Variants in PDE3B observed in about 807,000 individuals in gnomAD.
PDE3B encodes cGMP-inhibited 3',5'-cyclic phosphodiesterase 3B.
A neutral mutation model predicts 116.8 loss-of-function variants in PDE3B; 66 were observed. The ratio of observed to expected loss-of-function variants is 0.56; its 90% CI spans 0.46 to 0.69. PDE3B has a LOEUF of 0.69. Among genes scored for constraint, PDE3B ranks in the 30% least tolerant of loss-of-function variants. PDE3B has a pLI of 0.00. For missense variants in PDE3B, 1,384 were observed against 1,368.1 expected, an observed-to-expected ratio of 1.01 and a Z score of -0.18; for synonymous variants, 595 against 533.6, an observed-to-expected ratio of 1.12 and a Z score of -1.59.
rs930727805 is a variant in PDE3B at position 14,715,622 on chromosome 11, C to G, written c.979-56315C>G. On this transcript the variant is annotated intron_variant, in intron 1 of 15. Coordinates refer to ENST00000282096, the MANE Select transcript of PDE3B (RefSeq NM_000922.4). ...TGCACATTGATTTTGTATCCTGAGACTTTGCTGAAGTTGCCTATCAGCTTA... is the reference window on the plus strand; with the variant it reads ...TGCACATTGATTTTGTATCCTGAGAGTTTGCTGAAGTTGCCTATCAGCTTA... 4.9e-4 allele frequency among the ~76,000 whole-genome samples: 75 copies of G among 152,188 alleles called. 1 individual carries two copies. Among genetic ancestry groups the G allele is most frequent in the African/African-American group, 1.8e-3 (75 of 41,442 alleles).
At chr11:14,777,906 A>C (rs1047308028) in intron 2 of PDE3B, among the ~76,000 whole-genome samples, 1 of 152,162 alleles carries the variant, frequency 6.6e-6, no homozygotes, top group Non-Finnish European at 1.5e-5. Flanking sequence ...TTTCCTAGCC[A>C]AGGGAAGCCA....
At position 14,831,673 on chromosome 11, in the gene PDE3B, G is replaced by A; in HGVS notation, c.1990G>A (p.Val664Ile). 1 of 1,592,646 alleles carries A rather than the reference G, an allele frequency of 6.3e-7. No homozygotes were observed. Among genetic ancestry groups the A allele is most frequent in the Non-Finnish European group, 8.6e-7 (1 of 1,166,858 alleles). The change falls in exon 9 of 16, where the codon GTA (valine) becomes ATA (isoleucine). Residue 664 changes from valine to isoleucine, a missense_variant. Val to Ile is a conservative substitution (Grantham distance 29, BLOSUM62 3). Transcript: ENST00000282096. ...GGAAGTATCACTGGACCTGATTTTA[G>A]TAGAAGAGTATGACTCATTAATAGA... ...EQEVSLDLIL[V>I]EEYDSLIEKM...
chr11:14,712,541 C>G (rs538017805), intron 1 of PDE3B, among the ~76,000 whole-genome samples: 3 of 122,362 alleles, frequency 2.5e-5, no homozygotes, highest in South Asian at 5.5e-4. Flanking sequence ...GTGGCATGAT[C>G]TTGGCTCACT....
intron 13 of PDE3B, among the ~76,000 whole-genome samples, chr11:14,860,906 C>CAT (rs3834440): frequency 1.4e-3 from 200 of 146,552 alleles, no homozygotes; most frequent in South Asian, 4.0e-3. Flanking sequence ...TTAATAAATA[C>CAT]ATATATATAT....
the PDE3B span, among the ~76,000 whole-genome samples, chr11:14,896,554 A>G: frequency 2.7e-4 from 41 of 152,162 alleles, 2 homozygotes; most frequent in Admixed American, 2.7e-3. Context: ...TTGTTTTCTG[A>G]AGTAAAGAAA....
chr11:14,692,148 T>C (rs1264649081), intron 1 of PDE3B, among the ~76,000 whole-genome samples: 1 of 152,026 alleles, frequency 6.6e-6, no homozygotes, highest in African/African-American at 2.4e-5. Context: ...GTGGCATGTA[T>C]CTGTAGTCCC....
intron 1 of PDE3B, among the ~76,000 whole-genome samples, chr11:14,716,227 C>T (rs955569613): frequency 2.0e-5 from 3 of 152,198 alleles, no homozygotes; most frequent in East Asian, 3.9e-4. Flanking sequence ...TAAAAAACGG[C>T]GCACCACGAG....
chr11:14,829,458 C>T (rs781366839), intron 7 of PDE3B, among the ~76,000 whole-genome samples: 3 of 152,010 alleles, frequency 2.0e-5, no homozygotes, highest in African/African-American at 4.8e-5. Context: ...AAATGATTAT[C>T]ATAGTTTTTC....
intron 4 of PDE3B, among the ~76,000 whole-genome samples, chr11:14,796,754 C>G: frequency 6.6e-6 from 1 of 152,146 alleles, no homozygotes; most frequent in East Asian, 1.9e-4. Flanking sequence ...TTTGTAGATT[C>G]TGGATATTAG....
chr11:14,855,876 A>C (rs1555006107), intron 12 of PDE3B, among the ~76,000 whole-genome samples: 1 of 152,258 alleles, frequency 6.6e-6, no homozygotes, highest in Admixed American at 6.5e-5. Flanking sequence ...CAGTGATTTT[A>C]AACAGTCATA....
intron 4 of PDE3B, among the ~76,000 whole-genome samples, chr11:14,796,224 C>T (rs905865388): frequency 2.6e-5 from 4 of 152,138 alleles, no homozygotes; most frequent in African/African-American, 4.8e-5. Context: ...TTTATGGCTG[C>T]GTAGTATTCC....
At chr11:14,815,531 T>G (rs1859297841) in intron 5 of PDE3B, among the ~76,000 whole-genome samples, 1 of 152,164 alleles carries the variant, frequency 6.6e-6, no homozygotes, top group African/African-American at 2.4e-5. Flanking sequence ...TGCCCATAGT[T>G]TTTTGTCACA....
intron 1 of PDE3B, among the ~76,000 whole-genome samples, chr11:14,715,225 A>T (rs1215353525): frequency 1.3e-5 from 2 of 152,276 alleles, no homozygotes; most frequent in African/African-American, 4.8e-5. Flanking sequence ...TTGGCTTAGG[A>T]TTGACTTGGC....
chr11:14,866,303 A>T (rs1263822948), intron 14 of PDE3B, among the ~76,000 whole-genome samples: 1 of 152,196 alleles, frequency 6.6e-6, no homozygotes, highest in Non-Finnish European at 1.5e-5. Context: ...CCCACTTATG[A>T]AAGTTTTAAT....
intron 1 of PDE3B, among the ~76,000 whole-genome samples, chr11:14,765,881 A>G (rs1417504096): frequency 6.6e-6 from 1 of 150,890 alleles, no homozygotes; most frequent in African/African-American, 2.4e-5. Flanking sequence ...CTACTTTGGT[A>G]TTGGGTTTAG....
chr11:14,863,746 G>A (rs1847992094), intron 14 of PDE3B, among the ~76,000 whole-genome samples: 1 of 152,120 alleles, frequency 6.6e-6, no homozygotes, highest in South Asian at 2.1e-4. Context: ...TTACACGCAA[G>A]CAAATACTGA....
At chr11:14,666,454 G>A (rs1337826253) in intron 1 of PDE3B, among the ~76,000 whole-genome samples, 2 of 150,650 alleles carry the variant, frequency 1.3e-5, no homozygotes, top group Non-Finnish European at 3.0e-5. Flanking sequence ...AAACTCAAGA[G>A]CTTCTGCACA....
chr11:14,786,666 G>C lies in PDE3B; in HGVS notation c.1259G>C (p.Gly420Ala), dbSNP rs775710286. The C allele has an allele frequency of 4.3e-6, 7 of 1,611,072 alleles. No individual in the cohort carries two copies. The highest frequency in any genetic ancestry group is 5.9e-6 in the Non-Finnish European group (7 of 1,177,794). ...GAAATAGAGGACCCAGCTGAGAAAG[G>C]GGATAGAAAACTTAACAAGGTCGAA... is the stretch of plus-strand genomic sequence containing the variant. Reference protein sequence around the residue: ...CSEIEDPAEKGDRKLNKGLNR... With the variant: ...CSEIEDPAEKADRKLNKGLNR... The change falls in exon 3 of 16, where the codon GGG becomes GCG. Residue 420 changes from glycine to alanine, a missense_variant. Physicochemically the swap from Gly to Ala is moderately conservative, Grantham distance 60 (BLOSUM62 0). This residue lies in a region of PDE3B where 956 missense variants were observed against 806.8 expected (regional missense o/e 1.18). Coordinates refer to ENST00000282096, the MANE Select transcript of PDE3B (RefSeq NM_000922.4).
chr11:14,891,048 AG>A, the PDE3B span: 1 of 985,430 alleles, frequency 1.0e-6, no homozygotes, highest in African/African-American at 1.7e-5. Flanking sequence ...CGCTAGCGTC[AG>A]GCCTGTAGTT....
Sources: allele counts gnomAD v4.1 joint callset (sites outside exome capture counted in the v4.1 genomes callset), GRCh38; gene constraint gnomAD v4.1.1; regional missense constraint gnomAD v4.1.1; transcripts MANE v1.5; gene names NCBI Gene and HGNC (gene_info 2026-07-23, HGNC 2026-07-21).